Variants in PLS1 observed in about 807,000 individuals in gnomAD.
PLS1 encodes plastin 1.
A neutral mutation model predicts 73.7 loss-of-function variants in PLS1; 32 were observed. That is an observed-to-expected ratio of 0.43 (90% CI 0.33 to 0.58). The LOEUF (loss-of-function observed/expected upper bound fraction) is 0.58. PLS1 is among the 20% of genes least tolerant of loss of function. The pLI is 0.04. For synonymous variants in PLS1, 217 were observed against 261.3 expected, an observed-to-expected ratio of 0.83 and a Z score of 1.63; for missense variants, 633 against 740.5, an observed-to-expected ratio of 0.85 and a Z score of 1.68.
intron 1 of PLS1, among the ~76,000 whole-genome samples, chr3:142,638,712 C>CATTTTATTTT (rs67652440): frequency 2.2e-4 from 33 of 149,562 alleles, no homozygotes; most frequent in East Asian, 5.9e-4. Context: ...CACTTATCTT[C>CATTTTATTTT]ATTTTATTTT....
chr3:142,648,232 A>T (rs1306133711), intron 1 of PLS1, among the ~76,000 whole-genome samples: 1 of 147,816 alleles, frequency 6.8e-6, no homozygotes, highest in Non-Finnish European at 1.5e-5. Flanking sequence ...AACGGCTGTG[A>T]GAGAATAGAG....
chr3:142,631,010 A>G (rs2036547847), intron 1 of PLS1, among the ~76,000 whole-genome samples: 1 of 148,410 alleles, frequency 6.7e-6, no homozygotes, highest in African/African-American at 2.6e-5. Flanking sequence ...CAAGGGTCCC[A>G]AGACTTATAC....
chr3:142,600,877 CATATATATATATATATATAT>C (rs1185547517), intron 1 of PLS1, among the ~76,000 whole-genome samples: 1 of 23,532 alleles, frequency 4.2e-5, no homozygotes, highest in Non-Finnish European at 7.4e-5. Flanking sequence ...GGCCTGGTTT[CATATATATATATATATATAT>C]ATATATATAT....
intron 12 of PLS1, among the ~76,000 whole-genome samples, chr3:142,703,466 T>G (rs1288680761): frequency 6.6e-6 from 1 of 152,036 alleles, no homozygotes; most frequent in Non-Finnish European, 1.5e-5. Context: ...TGGCTAACTT[T>G]TGTATTTTTA....
chr3:142,638,107 A>G (rs1476504517), intron 1 of PLS1, among the ~76,000 whole-genome samples: 1 of 152,178 alleles, frequency 6.6e-6, no homozygotes, highest in Non-Finnish European at 1.5e-5. Flanking sequence ...ATTCCTAGAG[A>G]ATAAAACTTT....
intron 1 of PLS1, among the ~76,000 whole-genome samples, chr3:142,638,620 T>C (rs1471607205): frequency 6.6e-6 from 1 of 152,256 alleles, no homozygotes; most frequent in South Asian, 2.1e-4. Flanking sequence ...AATGTAATGA[T>C]GTACTAGCTT....
chr3:142,682,877 AT>A (rs2037884237), intron 6 of PLS1, among the ~76,000 whole-genome samples: 1 of 152,214 alleles, frequency 6.6e-6, no homozygotes. Flanking sequence ...GTTTATGTTT[AT>A]TTGTAGTTAA....
In PLS1 at chr3:142,683,104, A is replaced by G. The variant is rs904906164; in HGVS notation, c.580-902A>G. 2.6e-5 allele frequency among the ~76,000 whole-genome samples: 4 copies of G among 152,224 alleles called. No homozygotes were observed. In the East Asian group the frequency reaches 5.8e-4, roughly 22 times the overall value. On this transcript the variant is annotated intron_variant, in intron 6 of 15. Coordinates refer to ENST00000457734, the MANE Select transcript of PLS1 (RefSeq NM_001145319.2). Reference sequence around the variant, plus strand: ...GTAGGAGGAAGCTGCTGAAATATTCACTATGCTTTGAGAACCTCTATGCTT... The same window carrying G: ...GTAGGAGGAAGCTGCTGAAATATTCGCTATGCTTTGAGAACCTCTATGCTT...
intron 1 of PLS1, among the ~76,000 whole-genome samples, chr3:142,635,971 C>G (rs2036679107): frequency 6.6e-6 from 1 of 152,070 alleles, no homozygotes. Flanking sequence ...CTCACTGCAG[C>G]CTTGACCTCC....
chr3:142,600,877 CATATAT>C lies in PLS1; in HGVS notation c.-37+4403_-37+4408del, dbSNP rs1185547517. 9.8e-3 allele frequency among the ~76,000 whole-genome samples: 231 copies of C among 23,476 alleles called. 8 individuals carry two copies. The highest frequency in any genetic ancestry group is 0.018 in the East Asian group (9 of 488). The allele number at this position is 23,476 out of a possible 152,430, so 15.4% of individuals were successfully genotyped here. ...GGGAAGGGAAGGGTTGGCCTGGTTT[CATATAT>C]ATATATATATATATATATATATATA... On this transcript the variant is annotated intron_variant, in intron 1 of 15. Coordinates refer to ENST00000457734, the MANE Select transcript of PLS1 (RefSeq NM_001145319.2).
At position 142,711,954 on chromosome 3, in the gene PLS1, G is replaced by T. The variant is rs777264155; in HGVS notation, c.1837G>T (p.Val613Phe). The T allele has an allele frequency of 6.2e-7, 1 of 1,613,410 alleles. No homozygotes were observed. Among genetic ancestry groups the T allele is most frequent in the South Asian group, 1.1e-5 (1 of 91,058 alleles). Residue 613 changes from valine (V) to phenylalanine (F), a missense_variant, in exon 16 of 16, where the codon GTT becomes TTT. Val to Phe is a conservative substitution (Grantham distance 50). Transcript: ENST00000457734. Reference protein sequence around the residue: ...DDLVEVKPKMVMTVFACLMGK... With the variant: ...DDLVEVKPKMFMTVFACLMGK... The stretch of plus-strand genomic sequence containing the variant: ...CCTCGTAGAAGTGAAACCAAAGATG[G>T]TTATGACGGTGTTTGCATGCTTAAT...
chr3:142,694,623 TG>T (rs1308603609), intron 11 of PLS1, 76 bp downstream of exon 11: 5 of 791,948 alleles, frequency 6.3e-6, no homozygotes, highest in Non-Finnish European at 1.0e-5. Flanking sequence ...CATGTTTAAA[TG>T]GAACATTTTC....
chr3:142,640,359 A>G (rs1000712632), intron 1 of PLS1, among the ~76,000 whole-genome samples: 1 of 152,190 alleles, frequency 6.6e-6, no homozygotes, highest in Admixed American at 6.5e-5. Flanking sequence ...TGCTTTCGAC[A>G]GTTTTCAGAG....
intron 1 of PLS1, among the ~76,000 whole-genome samples, chr3:142,643,820 ATTTCATTT>A (rs2036891711): frequency 7.4e-6 from 1 of 134,322 alleles, no homozygotes. Context: ...TAATTTCTTC[ATTTCATTT>A]TTTTTTTTTT....
chr3:142,689,674 CT>C lies in PLS1; in HGVS notation c.1039del (p.Cys347AlafsTer19). The C allele has an allele frequency of 6.2e-7, 1 of 1,611,032 alleles. No individual in the cohort carries two copies. The highest frequency in any genetic ancestry group is 2.2e-5 in the East Asian group (1 of 44,666). On this transcript the variant is annotated frameshift_variant, in exon 10 of 16. Coordinates refer to ENST00000457734, the MANE Select transcript of PLS1 (RefSeq NM_001145319.2). LOFTEE classifies it high-confidence loss of function. ...TGCTTCAAGAAGCAGATAAACTGGG[CT>C]GCAAACAGTTTGTTACTCCTGCAGA... ...LMLQEADKLG[C>X]KQFVTPADVV...
intron 1 of PLS1, among the ~76,000 whole-genome samples, chr3:142,620,874 T>C (rs1217875039): frequency 2.0e-5 from 3 of 152,032 alleles, no homozygotes; most frequent in Non-Finnish European, 4.4e-5. Context: ...AAAAATTAGC[T>C]GGGCGCGGTG....
At chr3:142,702,506 C>T (rs948561534) in intron 12 of PLS1, among the ~76,000 whole-genome samples, 1 of 152,062 alleles carries the variant, frequency 6.6e-6, no homozygotes, top group Admixed American at 6.6e-5. Context: ...TTAACTAACT[C>T]GTGGAAGAAA....
At chr3:142,598,752 C>G (rs1307814631) in intron 1 of PLS1, among the ~76,000 whole-genome samples, 2 of 152,144 alleles carry the variant, frequency 1.3e-5, no homozygotes, top group Non-Finnish European at 2.9e-5. Flanking sequence ...AATCCCAGCA[C>G]TTTGGGAGGC....
At chr3:142,709,803 C>T (rs992541202) in intron 14 of PLS1, among the ~76,000 whole-genome samples, 4 of 138,480 alleles carry the variant, frequency 2.9e-5, no homozygotes, top group African/African-American at 8.6e-5. Context: ...GGCAACAGAG[C>T]GAGACTCTGC....
Sources: gnomAD v4.1 joint callset for allele counts (sites outside exome capture counted in the v4.1 genomes callset) on GRCh38, gnomAD v4.1.1 for gene constraint, MANE v1.5 for transcripts, NCBI Gene and HGNC (gene_info 2026-07-23, HGNC 2026-07-21) for gene names.